The following PLD5 variants were observed in gnomAD, a reference collection of about 807,000 sequenced individuals.
PLD5 encodes the protein phospholipase D family member 5, also known as inactive phospholipase D5.
PLD5 carries 36 observed loss-of-function variants against 61.1 expected under a neutral mutation model. That is an observed-to-expected ratio of 0.59 (90% confidence interval 0.45 to 0.78). PLD5 has a LOEUF of 0.78. Among genes scored for constraint, PLD5 ranks in the 30% least tolerant of loss-of-function variants. PLD5 has a pLI of 0.00. For missense variants in PLD5, 515 were observed against 644.4 expected (o/e 0.80, Z 2.17); for synonymous variants, 243 against 242.8 (o/e 1.00, Z -0.01).
At chr1:242,148,893 ATACT>A (rs1664726470) in intron 5 of PLD5, among the ~76,000 whole-genome samples, 1 of 151,962 alleles carries the variant, frequency 6.6e-6, no homozygotes, top group Non-Finnish European at 1.5e-5. Flanking sequence ...TGTTCTAAAC[ATACT>A]TAGTTTTAGT....
chr1:242,427,448 T>G (rs1665493303), intron 1 of PLD5, among the ~76,000 whole-genome samples: 1 of 152,206 alleles, frequency 6.6e-6, no homozygotes, highest in South Asian at 2.1e-4. Context: ...AAGCATCAAG[T>G]CTTGTAAAGG....
At chr1:242,523,939 A>G (rs1669359251) in intron 1 of PLD5, 149 bp downstream of exon 1, 5 of 849,726 alleles carry the variant, frequency 5.9e-6, no homozygotes, top group Non-Finnish European at 8.7e-6. Flanking sequence ...CTGCAGGCAG[A>G]GAAGCCCCCG....
At chr1:242,093,809 G>T (rs1660024213) in intron 9 of PLD5, among the ~76,000 whole-genome samples, 1 of 152,000 alleles carries the variant, frequency 6.6e-6, no homozygotes, top group South Asian at 2.1e-4. Context: ...TGCTTCGGGG[G>T]CAGCCTGGGG....
chr1:242,298,629 C>T (rs1447575948), intron 2 of PLD5, among the ~76,000 whole-genome samples: 1 of 152,166 alleles, frequency 6.6e-6, no homozygotes, highest in Non-Finnish European at 1.5e-5. Flanking sequence ...AAAGCAGAGG[C>T]TACTGTCTTA....
At chr1:242,338,476 T>C (rs1191445872) in intron 2 of PLD5, among the ~76,000 whole-genome samples, 1 of 151,858 alleles carries the variant, frequency 6.6e-6, no homozygotes, top group Non-Finnish European at 1.5e-5. Flanking sequence ...AAAATACATA[T>C]CACATTCAAA....
intron 1 of PLD5, among the ~76,000 whole-genome samples, chr1:242,394,052 C>A (rs1414097217): frequency 6.6e-5 from 9 of 136,746 alleles, no homozygotes; most frequent in African/African-American, 2.2e-4. Flanking sequence ...ACGACGACTC[C>A]ATCTCAAAAA....
At chr1:242,108,277 G>A (rs1045734956) in intron 7 of PLD5, among the ~76,000 whole-genome samples, 1 of 152,034 alleles carries the variant, frequency 6.6e-6, no homozygotes, top group African/African-American at 2.4e-5. Flanking sequence ...CTTACGCTCT[G>A]GTCATCTGAG....
chr1:242,380,052 T>C (rs971768429), intron 1 of PLD5, among the ~76,000 whole-genome samples: 9 of 152,204 alleles, frequency 5.9e-5, no homozygotes, highest in Non-Finnish European at 1.2e-4. Flanking sequence ...GTGATTTTCA[T>C]GAGGACACTT....
rs567374786 is a variant in PLD5 at position 242,125,171 on chromosome 1, G to A, written c.736-506C>T. 1.4e-4 allele frequency among the ~76,000 whole-genome samples: 21 copies of A among 152,170 alleles called. 1 individual carries two copies. Among genetic ancestry groups the A allele is most frequent in the Non-Finnish European group, 1.9e-4 (13 of 68,020 alleles). On this transcript the variant is annotated intron_variant, in intron 5 of 9. Transcript: ENST00000536534. The stretch of plus-strand genomic sequence containing the variant: ...TTTCTGGGCCTCAGCTTCTTCTTCC[G>A]TAAAATAGAGATAATAGTATTTATT...
intron 5 of PLD5, among the ~76,000 whole-genome samples, chr1:242,171,402 G>A (rs1040297241): frequency 6.6e-6 from 1 of 152,122 alleles, no homozygotes; most frequent in Non-Finnish European, 1.5e-5. Flanking sequence ...ACATGGAAAG[G>A]AACACCTGGT....
intron 6 of PLD5, among the ~76,000 whole-genome samples, chr1:242,116,298 G>C (rs1471801996): frequency 6.6e-6 from 1 of 152,214 alleles, no homozygotes; most frequent in African/African-American, 2.4e-5. Flanking sequence ...AAGGGGCATA[G>C]GGGCATAGGG....
intron 6 of PLD5, among the ~76,000 whole-genome samples, chr1:242,118,049 G>A (rs1213032661): frequency 1.3e-5 from 2 of 152,108 alleles, no homozygotes; most frequent in African/African-American, 4.8e-5. Context: ...GTTTTGGGGA[G>A]GAACAAATGT....
At chr1:242,215,418 C>T (rs1378407234) in intron 5 of PLD5, among the ~76,000 whole-genome samples, 1 of 152,004 alleles carries the variant, frequency 6.6e-6, no homozygotes, top group African/African-American at 2.4e-5. Flanking sequence ...GGTAAAGACC[C>T]GGCAACACTA....
chr1:242,469,654 A>C (rs1667378982), intron 1 of PLD5, among the ~76,000 whole-genome samples: 1 of 152,094 alleles, frequency 6.6e-6, no homozygotes, highest in Non-Finnish European at 1.5e-5. Flanking sequence ...GGGACTACAG[A>C]CACAAGCCAC....
chr1:242,099,743 G>A (rs1207471372), intron 9 of PLD5, among the ~76,000 whole-genome samples: 3 of 151,988 alleles, frequency 2.0e-5, no homozygotes, highest in African/African-American at 7.3e-5. Context: ...AAGTTAAAAG[G>A]GTACATTTTT....
chr1:242,326,408 A>G (rs1419451512), intron 2 of PLD5, among the ~76,000 whole-genome samples: 3 of 152,176 alleles, frequency 2.0e-5, no homozygotes, highest in South Asian at 4.1e-4. Context: ...TGCTACAGTC[A>G]TAAGAGTCAG....
chr1:242,382,302 T>C (rs1327594301), intron 1 of PLD5, among the ~76,000 whole-genome samples: 2 of 152,082 alleles, frequency 1.3e-5, no homozygotes, highest in Non-Finnish European at 2.9e-5. Flanking sequence ...TGGCATTTGA[T>C]ATTGTGGGAC....
Position 242,113,984 on chromosome 1 carries a change from T to C in PLD5, c.976A>G (p.Ile326Val), listed in dbSNP as rs1661745764. Reference sequence around the variant, plus strand: ...TCTATCACACTGTAGATGGCATCTATGTCAAAACTTCTGTTTTTAGGGCAA... The same window carrying C: ...TCTATCACACTGTAGATGGCATCTACGTCAAAACTTCTGTTTTTAGGGCAA... ...LFCPKNRSFD[I>V]DAIYSVIDDA... is the part of the protein sequence containing the mutation. Residue 326 changes from isoleucine (I) to valine (V), a missense_variant, in exon 7 of 10, where the codon ATA becomes GTA. By Grantham distance (29) the Ile-to-Val change is conservative. Around this residue, in one of 2 missense-constraint regions of PLD5, gnomAD observed 450 missense variants for 598.1 expected, o/e 0.75. Coordinates refer to ENST00000536534, the MANE Select transcript of PLD5 (RefSeq NM_001372062.1). 2 of 1,613,972 alleles carry C rather than the reference T, an allele frequency of 1.2e-6. No individual in the cohort carries two copies. The highest frequency in any genetic ancestry group is 1.3e-5 in the African/African-American group (1 of 74,942).
At chr1:242,204,068 C>T (rs36025611) in intron 5 of PLD5, among the ~76,000 whole-genome samples, 1 of 139,412 alleles carries the variant, frequency 7.2e-6, no homozygotes, top group Non-Finnish European at 1.5e-5. Context: ...AACCCCATCT[C>T]TACTAAAAAT....
Sources: gnomAD v4.1 joint callset for allele counts (sites outside exome capture counted in the v4.1 genomes callset) on GRCh38, gnomAD v4.1.1 for gene constraint, gnomAD v4.1.1 regional missense constraint, MANE v1.5 for transcripts, NCBI Gene and HGNC (gene_info 2026-07-23, HGNC 2026-07-21) for gene names.